Variants in RAP1GAP2 observed in about 807,000 individuals in gnomAD.
The protein encoded by RAP1GAP2 is rap1 GTPase-activating protein 2.
A neutral mutation model predicts 95.0 loss-of-function variants in RAP1GAP2; 27 were observed. The ratio of observed to expected loss-of-function variants is 0.28; its 90% CI spans 0.21 to 0.39. The LOEUF is 0.39. RAP1GAP2 is among the 10% of genes least tolerant of loss of function. The pLI is 1.00. For missense variants in RAP1GAP2, 771 were observed against 970.0 expected (o/e 0.79, Z 2.72); for synonymous variants, 373 against 380.9 (o/e 0.98, Z 0.24).
intron 8 of RAP1GAP2, among the ~76,000 whole-genome samples, chr17:2,968,588 A>C (rs2044714719): frequency 6.6e-6 from 1 of 152,314 alleles, no homozygotes; most frequent in South Asian, 2.1e-4. Context: ...TAGTAGTAGA[A>C]TGGAAGCATT....
chr17:2,897,843 C>A (rs1017291258), intron 2 of RAP1GAP2, among the ~76,000 whole-genome samples: 1 of 152,006 alleles, frequency 6.6e-6, no homozygotes, highest in Non-Finnish European at 1.5e-5. Context: ...CTTTCTCCCA[C>A]GGCTGCTGCT....
intron 8 of RAP1GAP2, among the ~76,000 whole-genome samples, chr17:2,973,148 G>A (rs2044946887): frequency 6.6e-6 from 1 of 152,134 alleles, no homozygotes; most frequent in South Asian, 2.1e-4. Flanking sequence ...ATGTTTAGGA[G>A]CTCAGATTTT....
intron 1 of RAP1GAP2, among the ~76,000 whole-genome samples, chr17:2,799,620 G>C (rs1250234314): frequency 6.6e-6 from 1 of 152,172 alleles, no homozygotes; most frequent in Non-Finnish European, 1.5e-5. Flanking sequence ...CACTGATGAT[G>C]ACATGTGGTG....
intron 16 of RAP1GAP2, 49 bp downstream of exon 16, chr17:3,006,090 G>T: frequency 5.2e-5 from 53 of 1,010,010 alleles, no homozygotes; most frequent in Middle Eastern, 2.6e-4. Context: ...TGGGCCACCT[G>T]TTAGCCAGCC....
At chr17:2,771,590 G>A (rs1364068228) in intron 2 of RAP1GAP2, among the ~76,000 whole-genome samples, 2 of 149,468 alleles carry the variant, frequency 1.3e-5, no homozygotes, top group Non-Finnish European at 3.0e-5. Flanking sequence ...GCCTCCTGGA[G>A]GCGATTCTCC....
At chr17:2,770,382 A>T (rs953565037) in exon 2 of RAP1GAP2, 1 of 398,688 alleles carries the variant, frequency 2.5e-6, no homozygotes, top group Non-Finnish European at 4.4e-6. Context: ...ACAGCCTTCC[A>T]GTGGCTCTAC....
intron 2 of RAP1GAP2, among the ~76,000 whole-genome samples, chr17:2,771,795 A>C (rs2068404415): frequency 6.6e-6 from 1 of 151,962 alleles, no homozygotes; most frequent in Admixed American, 6.6e-5. Flanking sequence ...CGGCCACATA[A>C]CTTCAGATTT....
chr17:2,984,850 C>T, intron 10 of RAP1GAP2, 133 bp from the exon 11 acceptor site: 1 of 1,463,760 alleles, frequency 6.8e-7, no homozygotes, highest in Middle Eastern at 2.0e-4. Flanking sequence ...CTCTCTCTCC[C>T]TCCGTGTATG....
At chr17:2,993,401 G>A (rs543175484) in intron 12 of RAP1GAP2, among the ~76,000 whole-genome samples, 14 of 148,974 alleles carry the variant, frequency 9.4e-5, no homozygotes, top group Admixed American at 2.7e-4. Flanking sequence ...GTGAAACCAC[G>A]TCTCTACTAA....
In RAP1GAP2 at chr17:2,825,505, C is replaced by A. The variant is rs991762924; in HGVS notation, c.80+24955C>A. On this transcript the variant is annotated intron_variant, in intron 2 of 24. Coordinates refer to ENST00000254695, the MANE Select transcript of RAP1GAP2 (RefSeq NM_015085.5). This position sits in a 1 kb window ranked among gnomAD's most constrained non-coding sequence, Gnocchi z 4.1. ...CATCGAGCTCCTATTTGTAGCCAGC[C>A]GCCTCTGTTTTAGGAGCCGGGGATC... Among the ~76,000 whole-genome samples the A allele has an allele frequency of 6.6e-6, 1 of 152,074 alleles. No individual in the cohort carries two copies. Among genetic ancestry groups the A allele is most frequent in the Non-Finnish European group, 1.5e-5 (1 of 68,032 alleles).
At chr17:2,818,284 C>G (rs949102881) in intron 2 of RAP1GAP2, among the ~76,000 whole-genome samples, 1 of 150,778 alleles carries the variant, frequency 6.6e-6, no homozygotes, top group South Asian at 2.1e-4. Flanking sequence ...TGTGTTTTCT[C>G]TCAGCCCACT....
intron 2 of RAP1GAP2, among the ~76,000 whole-genome samples, chr17:2,826,991 C>T (rs758759591): frequency 2.6e-5 from 4 of 151,110 alleles, no homozygotes; most frequent in Non-Finnish European, 4.4e-5. Context: ...GGTGTCACAG[C>T]GAGACTCCGT....
chr17:2,883,486 A>C (rs1597505124), intron 2 of RAP1GAP2, among the ~76,000 whole-genome samples: 1 of 152,098 alleles, frequency 6.6e-6, no homozygotes, highest in Non-Finnish European at 1.5e-5. Context: ...GCCTTGATGG[A>C]GAGGGAAGCG....
rs554188387 is a variant in RAP1GAP2 at position 3,029,804 on chromosome 17, C to T, written c.2108-1118C>T. ...TGACACCGGGCTCTGCCACCACTCA[C>T]ACACACTTAACGGAATTTTATTATA... On this transcript the variant is annotated intron_variant, in intron 22 of 24. Transcript: ENST00000254695. The surrounding 1 kb of genome is among the most constrained non-coding windows in gnomAD (Gnocchi z 4.4). 1.3e-5 allele frequency among the ~76,000 whole-genome samples: 2 copies of T among 152,224 alleles called. No individual in the cohort carries two copies. The highest frequency in any genetic ancestry group is 3.9e-4 in the East Asian group (2 of 5,184).
intron 2 of RAP1GAP2, among the ~76,000 whole-genome samples, chr17:2,834,925 A>G (rs2071064131): frequency 6.6e-6 from 1 of 151,960 alleles, no homozygotes; most frequent in Admixed American, 6.6e-5. Context: ...ATTAATTATT[A>G]TTATTATTTT....
At chr17:2,861,370 C>A (rs1423759744) in intron 2 of RAP1GAP2, among the ~76,000 whole-genome samples, 1 of 151,866 alleles carries the variant, frequency 6.6e-6, no homozygotes, top group Admixed American at 6.6e-5. Context: ...CTCCATTGCC[C>A]AGAATAGGAG....
intron 10 of RAP1GAP2, among the ~76,000 whole-genome samples, chr17:2,983,729 C>G (rs182035226): frequency 8.7e-4 from 132 of 152,222 alleles, no homozygotes; most frequent in Non-Finnish European, 2.5e-4. Flanking sequence ...AAAAATGATA[C>G]TCAGTTTTCT....
Position 2,827,864 on chromosome 17 carries a change from T to TGGGCCTCCTTCCTCATCTTCACACC in RAP1GAP2, c.80+27314_80+27315insGGGCCTCCTTCCTCATCTTCACACC. Among the ~76,000 whole-genome samples, 1 of 151,248 alleles carries TGGGCCTCCTTCCTCATCTTCACACC rather than the reference T, an allele frequency of 6.6e-6. No individual in the cohort carries two copies. Among genetic ancestry groups the TGGGCCTCCTTCCTCATCTTCACACC allele is most frequent in the African/African-American group, 2.4e-5 (1 of 41,194 alleles). ...AGGGGGAGGGTTCATACACGATCGG[T>TGGGCCTCCTTCCTCATCTTCACACC]TGCAGCAGGCACGCCAGTGACGGTG... On this transcript the variant is annotated intron_variant, in intron 2 of 24. Coordinates refer to ENST00000254695, the MANE Select transcript of RAP1GAP2 (RefSeq NM_015085.5). The surrounding 1 kb of genome is among the most constrained non-coding windows in gnomAD (Gnocchi z 4.1).
intron 2 of RAP1GAP2, among the ~76,000 whole-genome samples, chr17:2,836,477 C>G (rs1398197683): frequency 6.6e-6 from 1 of 151,918 alleles, no homozygotes; most frequent in African/African-American, 2.4e-5. Context: ...CTTAAAAACA[C>G]AAAAATCAGC....
Sources: allele counts gnomAD v4.1 joint callset (sites outside exome capture counted in the v4.1 genomes callset), GRCh38; gene constraint gnomAD v4.1.1; non-coding constraint Gnocchi (gnomAD v3.1); transcripts MANE v1.5; gene names NCBI Gene and HGNC (gene_info 2026-07-23, HGNC 2026-07-21).